The following RAD50 variants were observed in gnomAD, a reference collection of about 807,000 sequenced individuals.
The protein encoded by RAD50 is DNA repair protein RAD50.
A neutral mutation model predicts 168.8 loss-of-function variants in RAD50; 132 were observed. That is an observed-to-expected ratio of 0.78 (90% CI 0.68 to 0.90). The LOEUF is 0.90. RAD50 is among the 40% of genes least tolerant of loss of function. RAD50 has a pLI of 0.00. For synonymous variants in RAD50, 525 were observed against 497.4 expected (o/e 1.06, Z -0.74); for missense variants, 1,347 against 1,534.4 (o/e 0.88, Z 2.04).
At chr5:132,563,935 G>A (rs2149832786) in intron 2 of RAD50, among the ~76,000 whole-genome samples, 1 of 152,270 alleles carries the variant, frequency 6.6e-6, no homozygotes, top group Non-Finnish European at 1.5e-5. Flanking sequence ...TTCTGGCCGT[G>A]TAAGATGTGC....
chr5:132,575,966 T>C (rs1750392544), intron 3 of RAD50, 38 bp downstream of exon 3: 1 of 1,558,792 alleles, frequency 6.4e-7, no homozygotes, highest in South Asian at 1.2e-5. Context: ...CTGTTCATTT[T>C]CAGTCTTTTA....
At chr5:132,641,840 T>C (rs1462908890) in intron 24 of RAD50, 1 of 254,888 alleles carries the variant, frequency 3.9e-6, no homozygotes, top group Admixed American at 4.9e-5. Context: ...CCTTCTATAG[T>C]TGAACAGTTT....
At chr5:132,599,663 T>C (rs1750852319) in intron 13 of RAD50, among the ~76,000 whole-genome samples, 2 of 151,702 alleles carry the variant, frequency 1.3e-5, no homozygotes, top group South Asian at 4.2e-4. Context: ...GCTCAAGCAA[T>C]CCTCCTACCT....
chr5:132,632,501 C>T (rs762832819), intron 21 of RAD50, among the ~76,000 whole-genome samples: 1 of 151,970 alleles, frequency 6.6e-6, no homozygotes, highest in Non-Finnish European at 1.5e-5. Flanking sequence ...TTCCATTTAA[C>T]GTGGTGATAA....
chr5:132,604,549 G>A (rs1371044815), intron 15 of RAD50, among the ~76,000 whole-genome samples: 2 of 152,110 alleles, frequency 1.3e-5, no homozygotes, highest in African/African-American at 4.8e-5. Flanking sequence ...TTACAAGTGT[G>A]AGCCAGTGCG....
chr5:132,594,796 T>C (rs1472610487), intron 11 of RAD50, 73 bp from the exon 12 acceptor site: 1 of 1,437,706 alleles, frequency 7.0e-7, no homozygotes, highest in Non-Finnish European at 9.7e-7. Context: ...ATTTGTCTTG[T>C]TTTTGCCTAC....
chr5:132,589,612 T>C lies in RAD50; in HGVS notation c.1246-19T>C, dbSNP rs758151168. 1 of 1,521,844 alleles carries C rather than the reference T, an allele frequency of 6.6e-7. No individual in the cohort carries two copies. Among genetic ancestry groups the C allele is most frequent in the South Asian group, 1.2e-5 (1 of 81,280 alleles). 94.3% of individuals were successfully genotyped at this position (1,521,844 alleles called of 1,614,324 possible). On this transcript the variant is annotated intron_variant, in intron 8 of 24. Coordinates refer to ENST00000378823, the MANE Select transcript of RAD50 (RefSeq NM_005732.4). ...TGTTTAGTAAATTATTAATGCTCAT[T>C]CTTTACATATGCATTTAGAATGACT...
At chr5:132,595,872 A>T in intron 13 of RAD50, 62 bp downstream of exon 13, 1 of 1,444,214 alleles carries the variant, frequency 6.9e-7, no homozygotes, top group Non-Finnish European at 9.6e-7. Flanking sequence ...TACCCATCTC[A>T]TGCCTGGGCA....
chr5:132,581,775 G>C (rs886685495), intron 5 of RAD50, among the ~76,000 whole-genome samples: 1 of 152,194 alleles, frequency 6.6e-6, no homozygotes, highest in Admixed American at 6.5e-5. Flanking sequence ...AGACAGAAGA[G>C]TGGAAGACTA....
chr5:132,561,003 C>T (rs1477187422), intron 2 of RAD50, among the ~76,000 whole-genome samples: 1 of 152,212 alleles, frequency 6.6e-6, no homozygotes, highest in Non-Finnish European at 1.5e-5. Flanking sequence ...TTTGTAAGGT[C>T]ACCAATAATC....
At chr5:132,602,270 A>G (rs1487383023) in intron 13 of RAD50, among the ~76,000 whole-genome samples, 1 of 152,182 alleles carries the variant, frequency 6.6e-6, no homozygotes. Flanking sequence ...TTAAGTTTAT[A>G]ATAAGACTCC....
chr5:132,630,203 C>T (rs888696151), intron 21 of RAD50, among the ~76,000 whole-genome samples: 3 of 151,972 alleles, frequency 2.0e-5, no homozygotes, highest in Non-Finnish European at 2.9e-5. Flanking sequence ...CCACCACACC[C>T]GGCTAATTTT....
chr5:132,622,706 T>G (rs965007395), intron 21 of RAD50, among the ~76,000 whole-genome samples: 4 of 152,202 alleles, frequency 2.6e-5, no homozygotes, highest in African/African-American at 9.6e-5. Flanking sequence ...TTTTGAGGAG[T>G]CTGCTTCTGC....
chr5:132,602,901 C>G (rs561892072), intron 13 of RAD50, among the ~76,000 whole-genome samples: 1 of 152,192 alleles, frequency 6.6e-6, no homozygotes, highest in African/African-American at 2.4e-5. Flanking sequence ...GTCAATATGA[C>G]CAGTTCATTA....
chr5:132,633,366 A>C (rs1039238086), intron 21 of RAD50, among the ~76,000 whole-genome samples: 2 of 151,866 alleles, frequency 1.3e-5, no homozygotes, highest in Admixed American at 1.3e-4. Context: ...TGGCCTCCTA[A>C]AGTGTTGGGA....
chr5:132,568,524 A>G (rs1750248081), intron 2 of RAD50, among the ~76,000 whole-genome samples: 1 of 152,230 alleles, frequency 6.6e-6, no homozygotes, highest in African/African-American at 2.4e-5. Flanking sequence ...CAGCATAAAC[A>G]TAACTATGTT....
In RAD50 at chr5:132,640,684, C is replaced by CTCATCATTCGCCTGGCCCTGGCT; in HGVS notation, c.3632_3654dup (p.Glu1219SerfsTer42). 1 of 1,614,234 alleles carries CTCATCATTCGCCTGGCCCTGGCT rather than the reference C, an allele frequency of 6.2e-7. No homozygotes were observed. The highest frequency in any genetic ancestry group is 8.5e-7 in the Non-Finnish European group (1 of 1,180,036). ...GGCTTTTTTCCAGGTATTAGCCTCA[C>CTCATCATTCGCCTGGCCCTGGCT]TCATCATTCGCCTGGCCCTGGCTGA... is the stretch of plus-strand genomic sequence containing the variant. On this transcript the variant is annotated frameshift_variant, in exon 24 of 25. Coordinates refer to ENST00000378823, the MANE Select transcript of RAD50 (RefSeq NM_005732.4). LOFTEE classifies it high-confidence loss of function.
chr5:132,595,119 G>A, intron 12 of RAD50, 75 bp downstream of exon 12: 7 of 1,478,058 alleles, frequency 4.7e-6, no homozygotes, highest in East Asian at 2.3e-5. Context: ...TGTTAAGGAT[G>A]GGGAATTTAA....
chr5:132,612,827 C>CA (rs1013892594), intron 19 of RAD50, among the ~76,000 whole-genome samples: 18 of 151,468 alleles, frequency 1.2e-4, no homozygotes, highest in African/African-American at 4.1e-4. Context: ...GACCCTGTCT[C>CA]AAAAAATATA....
Sources: gnomAD v4.1 joint callset for allele counts (sites outside exome capture counted in the v4.1 genomes callset) on GRCh38, gnomAD v4.1.1 for gene constraint, MANE v1.5 for transcripts, NCBI Gene and HGNC (gene_info 2026-07-23, HGNC 2026-07-21) for gene names.